The following LAMA3 variants were observed in gnomAD, a reference collection of about 807,000 sequenced individuals.
The protein encoded by LAMA3 is laminin subunit alpha-3.
In LAMA3, 281 loss-of-function variants were observed where a neutral mutation model predicts 402.0. That is an observed-to-expected ratio of 0.70 (90% CI 0.63 to 0.77). The LOEUF (loss-of-function observed/expected upper bound fraction) is 0.77, where lower values mean the gene tolerates loss of function less well. Among genes scored for constraint, LAMA3 ranks in the 30% least tolerant of loss-of-function variants. LAMA3 has a pLI of 0.00. For missense variants in LAMA3, 3,840 were observed against 4,215.5 expected, an observed-to-expected ratio of 0.91 and a Z score of 2.47; for synonymous variants, 1,431 against 1,558.4, an observed-to-expected ratio of 0.92 and a Z score of 1.93.
intron 36 of LAMA3, among the ~76,000 whole-genome samples, chr18:23,865,327 G>C (rs1352339700): frequency 6.6e-6 from 1 of 152,068 alleles, no homozygotes; most frequent in East Asian, 1.9e-4. Flanking sequence ...TGTAGAGATA[G>C]GATCTCACTA....
At chr18:23,792,021 G>C (rs146628732) in intron 12 of LAMA3, among the ~76,000 whole-genome samples, 33 of 152,182 alleles carry the variant, frequency 2.2e-4, no homozygotes, top group Admixed American at 7.2e-4. Context: ...CAAAATAAAT[G>C]TCCAGAGGCC....
intron 58 of LAMA3, 69 bp from the exon 59 acceptor site, chr18:23,915,220 G>A: frequency 6.5e-7 from 1 of 1,527,842 alleles, no homozygotes; most frequent in Middle Eastern, 2.3e-4. Context: ...TGTTAAAAGT[G>A]ATTAATTGAT....
intron 2 of LAMA3, among the ~76,000 whole-genome samples, chr18:23,742,271 C>CA (rs761021951): frequency 3.3e-5 from 5 of 152,110 alleles, no homozygotes; most frequent in Non-Finnish European, 7.4e-5. Context: ...TTGGACTGTT[C>CA]AAAATGTCAG....
chr18:23,951,267 G>T (rs1450761233), intron 72 of LAMA3, among the ~76,000 whole-genome samples: 1 of 152,186 alleles, frequency 6.6e-6, no homozygotes. Context: ...TATTACAGTT[G>T]GCTGGCCCTT....
intron 1 of LAMA3, among the ~76,000 whole-genome samples, chr18:23,695,833 A>G (rs940042816): frequency 2.3e-5 from 3 of 129,512 alleles, no homozygotes; most frequent in African/African-American, 5.4e-5. Context: ...AAAAAAAAAA[A>G]AAAGAAATAT....
chr18:23,831,153 A>C (rs1288321791), intron 23 of LAMA3, among the ~76,000 whole-genome samples: 1 of 152,136 alleles, frequency 6.6e-6, no homozygotes, highest in Non-Finnish European at 1.5e-5. Context: ...CCTCCTAACT[A>C]GCTGACCCAC....
chr18:23,710,093 G>A (rs191268281), intron 1 of LAMA3: 611 of 730,924 alleles, frequency 8.4e-4, no homozygotes, highest in Admixed American at 1.9e-3. Flanking sequence ...TGTTCTCCTG[G>A]GGGCGCTCTG....
intron 1 of LAMA3, among the ~76,000 whole-genome samples, chr18:23,693,118 C>T (rs12959842): frequency 0.057 from 8,700 of 152,122 alleles, 356 homozygotes; most frequent in Non-Finnish European, 0.082. Flanking sequence ...CCGAGGTGGG[C>T]GGATCGCCTG....
chr18:23,710,189 G>A (rs897078235), intron 1 of LAMA3: 2 of 680,282 alleles, frequency 2.9e-6, no homozygotes, highest in Non-Finnish European at 5.4e-6. Context: ...TTGTGTGGCT[G>A]TGGACACCTT....
intron 2 of LAMA3, 119 bp from the exon 3 acceptor site, chr18:23,747,824 A>G (rs1270046717): frequency 1.4e-6 from 1 of 736,946 alleles, no homozygotes; most frequent in Non-Finnish European, 2.5e-6. Flanking sequence ...CAGGATCGGG[A>G]TCTTGAGCAA....
intron 8 of LAMA3, among the ~76,000 whole-genome samples, chr18:23,771,667 A>C (rs1251018274): frequency 1.3e-5 from 2 of 152,348 alleles, no homozygotes; most frequent in East Asian, 3.9e-4. Flanking sequence ...GCTGCAATTT[A>C]TTTTGAAATG....
chr18:23,937,224 G>A (rs1183312757), intron 67 of LAMA3, among the ~76,000 whole-genome samples: 1 of 151,990 alleles, frequency 6.6e-6, no homozygotes, highest in African/African-American at 2.4e-5. Context: ...AAATTAGCCC[G>A]GCTTGGTGGT....
chr18:23,857,764 A>T (rs1199469237), intron 32 of LAMA3, 80 bp from the exon 33 acceptor site: 3 of 1,565,128 alleles, frequency 1.9e-6, no homozygotes, highest in Non-Finnish European at 2.6e-6. Flanking sequence ...CACACCAATT[A>T]GTCCACTATA....
At chr18:23,838,006 A>C (rs1744271936) in intron 25 of LAMA3, among the ~76,000 whole-genome samples, 1 of 152,202 alleles carries the variant, frequency 6.6e-6, no homozygotes, top group Admixed American at 6.5e-5. Context: ...AGAAATTATA[A>C]TGGAGCTGAA....
intron 68 of LAMA3, 75 bp from the exon 69 acceptor site, chr18:23,943,713 C>T (rs2082606448): frequency 2.1e-6 from 3 of 1,401,446 alleles, no homozygotes; most frequent in Admixed American, 1.7e-5. Flanking sequence ...TTGCTCCCCA[C>T]CCTCTGTCTC....
At chr18:23,770,487 T>C (rs2062172925) in intron 8 of LAMA3, among the ~76,000 whole-genome samples, 1 of 151,848 alleles carries the variant, frequency 6.6e-6, no homozygotes, top group South Asian at 2.1e-4. Flanking sequence ...CAAGGCCGGG[T>C]GCTGTGGCTC....
chr18:23,698,590 T>C (rs886451936), intron 1 of LAMA3, among the ~76,000 whole-genome samples: 4 of 152,254 alleles, frequency 2.6e-5, no homozygotes, highest in Non-Finnish European at 4.4e-5. Flanking sequence ...ATTGTCTTAA[T>C]TGACCGCTTT....
chr18:23,752,179 G>T (rs761317182), intron 5 of LAMA3, among the ~76,000 whole-genome samples: 1 of 152,138 alleles, frequency 6.6e-6, no homozygotes, highest in Non-Finnish European at 1.5e-5. Flanking sequence ...GAGCTTCTGT[G>T]TAGTTGGGGA....
chr18:23,784,105 C>T lies in LAMA3; in HGVS notation c.1551C>T (p.Gly517=), dbSNP rs752198870. 1.9e-6 allele frequency: 3 copies of T among 1,613,936 alleles called. No homozygotes were observed. The highest frequency in any genetic ancestry group is 1.1e-5 in the South Asian group (1 of 91,066). ...GRCLCRPGVE[G]PRCDTCRSGF... ...GCCTGTGCCGCCCTGGGGTTGAGGG[C>T]CCTCGATGTGATACCTGCCGCTCTG... The change falls in exon 12 of 75, where the codon GGC becomes GGT. Residue 517 remains glycine, a synonymous_variant. Transcript: ENST00000313654.
Sources: gnomAD v4.1 joint callset for allele counts (sites outside exome capture counted in the v4.1 genomes callset) on GRCh38, gnomAD v4.1.1 for gene constraint, MANE v1.5 for transcripts, NCBI Gene and HGNC (gene_info 2026-07-23, HGNC 2026-07-21) for gene names.